The following CARMIL1 variants were observed in gnomAD, a reference collection of about 807,000 sequenced individuals.
CARMIL1 encodes the protein F-actin-uncapping protein LRRC16A.
A neutral mutation model predicts 177.1 loss-of-function variants in CARMIL1; 90 were observed. The observed-to-expected ratio is 0.51, with a 90% confidence interval of 0.43 to 0.61. The LOEUF is 0.61. CARMIL1 is among the 20% of genes least tolerant of loss of function. The pLI is 0.00. For missense variants in CARMIL1, 1,380 were observed against 1,667.0 expected, an observed-to-expected ratio of 0.83 and a Z score of 3.00; for synonymous variants, 577 against 606.2, an observed-to-expected ratio of 0.95 and a Z score of 0.71.
intron 1 of CARMIL1, among the ~76,000 whole-genome samples, chr6:25,283,362 A>C (rs1781286238): frequency 6.6e-6 from 1 of 152,096 alleles, no homozygotes; most frequent in African/African-American, 2.4e-5. Flanking sequence ...AGTCTTGGTG[A>C]GAGATTCTGA....
rs1234312305 is a variant in CARMIL1 at position 25,537,871 on chromosome 6, G to A, written c.2084G>A (p.Cys695Tyr). ...STTQQMIDRI[C>Y]VKVQDHLNSL... Reference sequence around the variant, plus strand: ...TTGGAGCAGATGATTGACAGAATATGTGTGAAAGTACAAGATCATCTCAAC... The same window carrying A: ...TTGGAGCAGATGATTGACAGAATATATGTGAAAGTACAAGATCATCTCAAC... The change falls in exon 25 of 37, where the codon TGT becomes TAT. Residue 695 changes from cysteine (C) to tyrosine (Y), a missense_variant. Coordinates refer to ENST00000329474, the MANE Select transcript of CARMIL1 (RefSeq NM_017640.6). 6.2e-7 allele frequency: 1 copy of A among 1,610,858 alleles called. No homozygotes were observed. The highest frequency in any genetic ancestry group is 1.7e-5 in the Admixed American group (1 of 59,602).
In CARMIL1 at chr6:25,374,992, A is replaced by G. The variant is rs182550565; in HGVS notation, c.139-45122A>G. Among the ~76,000 whole-genome samples the G allele has an allele frequency of 1.2e-4, 19 of 152,294 alleles. No individual in the cohort carries two copies. In the East Asian group the frequency reaches 3.5e-3, roughly 28 times the overall value. On this transcript the variant is annotated intron_variant, in intron 2 of 36. Coordinates refer to ENST00000329474, the MANE Select transcript of CARMIL1 (RefSeq NM_017640.6). ...CCATTCTGCCAAAGTATATCTTTTA[A>G]ATGGAGTATTTAATCTCAAGATGCA...
chr6:25,517,449 T>C (rs755220517), intron 22 of CARMIL1, 34 bp downstream of exon 22: 36 of 1,562,598 alleles, frequency 2.3e-5, no homozygotes, highest in African/African-American at 4.1e-5. Flanking sequence ...TCTAGGAAAA[T>C]AAAAAAACAA....
At chr6:25,385,421 G>A (rs1382513637) in intron 2 of CARMIL1, among the ~76,000 whole-genome samples, 1 of 152,164 alleles carries the variant, frequency 6.6e-6, no homozygotes, top group South Asian at 2.1e-4. Flanking sequence ...GTGGTTTTCA[G>A]GGAGTGAGGA....
At chr6:25,556,306 C>T (rs576859810) in intron 28 of CARMIL1, among the ~76,000 whole-genome samples, 5 of 152,116 alleles carry the variant, frequency 3.3e-5, no homozygotes, top group East Asian at 1.9e-4. Context: ...ACAATGAAAG[C>T]GAGCAGGAAT....
rs1459174746 is a variant in CARMIL1, at chr6:25,580,919, T to C, written c.2743-5T>C. 6.3e-7 allele frequency: 1 copy of C among 1,584,872 alleles called. No individual in the cohort carries two copies. The highest frequency in any genetic ancestry group is 1.2e-5 in the South Asian group (1 of 86,548). ...TGTTTTTTTAAATTATTATTTCATTTCTAGATGACCCCTAAATCCAAAAGG... is the reference window on the plus strand; with the variant it reads ...TGTTTTTTTAAATTATTATTTCATTCCTAGATGACCCCTAAATCCAAAAGG... On this transcript the variant is annotated splice_region_variant and splice_polypyrimidine_tract_variant and intron_variant, in intron 29 of 36. Coordinates refer to ENST00000329474, the MANE Select transcript of CARMIL1 (RefSeq NM_017640.6).
intron 8 of CARMIL1, among the ~76,000 whole-genome samples, chr6:25,456,243 C>T (rs1799519061): frequency 6.6e-6 from 1 of 152,170 alleles, no homozygotes; most frequent in Non-Finnish European, 1.5e-5. Context: ...CCCGTAAGAT[C>T]TATATAGGTG....
chr6:25,444,695 A>C (rs1179984897), intron 5 of CARMIL1, among the ~76,000 whole-genome samples: 1 of 152,174 alleles, frequency 6.6e-6, no homozygotes, highest in Non-Finnish European at 1.5e-5. Context: ...CCTGCAAAGG[A>C]CATGAATTCA....
intron 2 of CARMIL1, among the ~76,000 whole-genome samples, chr6:25,389,490 G>C (rs1251449556): frequency 1.3e-5 from 2 of 152,142 alleles, no homozygotes; most frequent in Admixed American, 1.3e-4. Context: ...TTTTGCAAAA[G>C]TGTTAGCTGC....
At chr6:25,375,753 C>T (rs1157491448) in intron 2 of CARMIL1, among the ~76,000 whole-genome samples, 1 of 152,052 alleles carries the variant, frequency 6.6e-6, no homozygotes, top group Non-Finnish European at 1.5e-5. Context: ...ATTCTTTTTT[C>T]TACTTGTTCT....
chr6:25,475,247 A>G (rs1056090159), intron 11 of CARMIL1, among the ~76,000 whole-genome samples: 4 of 152,096 alleles, frequency 2.6e-5, no homozygotes, highest in African/African-American at 7.2e-5. Flanking sequence ...CTACTAAAAT[A>G]CAAAGTATTA....
Position 25,474,227 on chromosome 6 carries a change from C to G in CARMIL1, c.874+1706C>G, listed in dbSNP as rs560724713. On this transcript the variant is annotated intron_variant, in intron 11 of 36. Transcript: ENST00000329474. ...GGTTCATGCCATTCTCCTGCCTCAGCCTCCCGAGTAGCTGGGACTACAGGT... is the reference window on the plus strand; with the variant it reads ...GGTTCATGCCATTCTCCTGCCTCAGGCTCCCGAGTAGCTGGGACTACAGGT... 2.0e-4 allele frequency among the ~76,000 whole-genome samples: 30 copies of G among 151,814 alleles called. No homozygotes were observed. The East Asian group carries it at 5.8e-3, about 29-fold the overall frequency.
chr6:25,303,857 G>T (rs1315323184), intron 2 of CARMIL1, among the ~76,000 whole-genome samples: 1 of 152,248 alleles, frequency 6.6e-6, no homozygotes, highest in Non-Finnish European at 1.5e-5. Flanking sequence ...AAAGGAAGAA[G>T]CTGGTGACTT....
At chr6:25,613,224 G>A (rs572600237) in intron 36 of CARMIL1, among the ~76,000 whole-genome samples, 1 of 152,236 alleles carries the variant, frequency 6.6e-6, no homozygotes, top group African/African-American at 2.4e-5. Context: ...TTACTCTCCT[G>A]TTAGGTTTCA....
chr6:25,436,659 C>A lies in CARMIL1; in HGVS notation c.371+1055C>A, dbSNP rs377401088. Among the ~76,000 whole-genome samples, 6 of 152,322 alleles carry A rather than the reference C, an allele frequency of 3.9e-5. No individual in the cohort carries two copies. The East Asian group carries it at 1.2e-3, about 29-fold the overall frequency. ...CTGCTCAGTTCCCTTCACAGCCCTT[C>A]GCAGGGCTCTCTCCCTTCCCCCCAT... On this transcript the variant is annotated intron_variant, in intron 5 of 36. Transcript: ENST00000329474.
chr6:25,547,626 T>C (rs1449477294), intron 26 of CARMIL1, among the ~76,000 whole-genome samples: 6 of 152,156 alleles, frequency 3.9e-5, no homozygotes, highest in African/African-American at 1.4e-4. Flanking sequence ...TGCCAGGCCC[T>C]GGGGATGTAA....
intron 2 of CARMIL1, among the ~76,000 whole-genome samples, chr6:25,401,281 A>AC: frequency 1.9e-5 from 1 of 52,854 alleles, no homozygotes; most frequent in South Asian, 7.3e-4. Flanking sequence ...TTTATACACA[A>AC]ACACACACAC....
intron 2 of CARMIL1, among the ~76,000 whole-genome samples, chr6:25,306,835 A>G (rs1224325996): frequency 6.9e-6 from 1 of 145,506 alleles, no homozygotes; most frequent in Non-Finnish European, 1.5e-5. Context: ...ACTGGATCAT[A>G]TGGCAGTTCT....
At chr6:25,609,928 G>T in intron 35 of CARMIL1, 122 bp from the exon 36 acceptor site, 1 of 1,218,334 alleles carries the variant, frequency 8.2e-7, no homozygotes. Flanking sequence ...TTTTTGGCCA[G>T]AAAAATTCTA....
Sources: allele counts gnomAD v4.1 joint callset (sites outside exome capture counted in the v4.1 genomes callset), GRCh38; gene constraint gnomAD v4.1.1; transcripts MANE v1.5; gene names NCBI Gene and HGNC (gene_info 2026-07-23, HGNC 2026-07-21).